The following FGD6 variants were observed in gnomAD, a reference collection of about 807,000 sequenced individuals.
FGD6 encodes the protein FYVE, RhoGEF and PH domain containing 6.
In FGD6, 90 loss-of-function variants were observed where a neutral mutation model predicts 149.4. The ratio of observed to expected loss-of-function variants is 0.60; its 90% CI spans 0.51 to 0.72. FGD6 has a LOEUF of 0.72. Ranked by LOEUF, FGD6 falls within the 30% of genes least tolerant of loss-of-function variation. FGD6 has a pLI of 0.00. For synonymous variants in FGD6, 527 were observed against 584.0 expected (o/e 0.90, Z 1.41); for missense variants, 1,437 against 1,684.8 (o/e 0.85, Z 2.57).
chr12:95,201,117 G>C (rs2056659096), intron 2 of FGD6, among the ~76,000 whole-genome samples: 1 of 151,364 alleles, frequency 6.6e-6, no homozygotes. Context: ...ATGTCTAGAA[G>C]AACATAAAAA....
At position 95,149,388 on chromosome 12, in the gene FGD6, A is replaced by G. The variant is rs1170388119; in HGVS notation, c.2685+3423T>C. Among the ~76,000 whole-genome samples the G allele has an allele frequency of 7.5e-5, 9 of 119,778 alleles. No homozygotes were observed. The South Asian group carries it at 2.1e-3, about 27-fold the overall frequency. The allele number at this position is 119,778 out of a possible 152,430, so 78.6% of individuals were successfully genotyped here. A position where few individuals can be genotyped will look rare whatever the true frequency, so the allele number is the denominator to read the frequency against. On this transcript the variant is annotated intron_variant, in intron 5 of 20. Transcript: ENST00000343958. The stretch of plus-strand genomic sequence containing the variant: ...TATATATAGCACATATTTTATATAT[A>G]TAGCATATATTACATAATATATAGC...
intron 2 of FGD6, 50 bp from the exon 3 acceptor site, chr12:95,172,794 C>T: frequency 6.9e-7 from 1 of 1,444,386 alleles, no homozygotes; most frequent in African/African-American, 1.4e-5. Context: ...ATAAGAAGTG[C>T]TAGCAAAACA....
intron 14 of FGD6, among the ~76,000 whole-genome samples, chr12:95,101,646 C>T (rs1305960856): frequency 6.7e-6 from 1 of 149,338 alleles, no homozygotes; most frequent in Admixed American, 6.7e-5. Context: ...TCACTGGGAA[C>T]ATGATATACA....
rs375032964 is a variant in FGD6 at position 95,124,903 on chromosome 12, C to A, written c.3082+9836G>T. On this transcript the variant is annotated intron_variant, in intron 8 of 20. Transcript: ENST00000343958. ...CTTAGCACTCCTCTCACCCCTACTT[C>A]AAAATCGTGGTACTTATTACATCTG... 1.4e-4 allele frequency among the ~76,000 whole-genome samples: 21 copies of A among 152,264 alleles called. No homozygotes were observed. The East Asian group carries it at 1.5e-3, about 11-fold the overall frequency.
At chr12:95,166,598 G>A (rs1360957349) in intron 3 of FGD6, among the ~76,000 whole-genome samples, 1 of 152,002 alleles carries the variant, frequency 6.6e-6, no homozygotes, top group Non-Finnish European at 1.5e-5. Context: ...TAGCTACTAA[G>A]GAGGAAGGGA....
At chr12:95,088,705 TA>T (rs1198640587) in intron 18 of FGD6, among the ~76,000 whole-genome samples, 2 of 152,296 alleles carry the variant, frequency 1.3e-5, no homozygotes, top group South Asian at 4.1e-4. Context: ...GATGGGTGGA[TA>T]AACTGTGGTA....
At chr12:95,149,970 A>G (rs548808626) in intron 5 of FGD6, among the ~76,000 whole-genome samples, 4 of 145,646 alleles carry the variant, frequency 2.7e-5, no homozygotes, top group Non-Finnish European at 6.0e-5. Flanking sequence ...TATATTATAT[A>G]GTATACTATA....
intron 14 of FGD6, among the ~76,000 whole-genome samples, chr12:95,097,429 A>C (rs1282423439): frequency 6.6e-6 from 1 of 152,058 alleles, no homozygotes; most frequent in Non-Finnish European, 1.5e-5. Flanking sequence ...TGACGTCAGG[A>C]GTTCGAGACC....
At chr12:95,192,789 G>A (rs1400494162) in intron 2 of FGD6, among the ~76,000 whole-genome samples, 1 of 152,182 alleles carries the variant, frequency 6.6e-6, no homozygotes. Context: ...ATTAGGTCTA[G>A]AAAGATGAAA....
intron 5 of FGD6, among the ~76,000 whole-genome samples, chr12:95,152,030 A>T (rs1378098962): frequency 6.6e-6 from 1 of 152,136 alleles, no homozygotes. Context: ...AGTCTGTTCA[A>T]GTTGACAATT....
intron 19 of FGD6, chr12:95,085,558 C>T (rs1432923734): frequency 9.5e-6 from 5 of 523,894 alleles, no homozygotes; most frequent in Non-Finnish European, 1.6e-5. Flanking sequence ...ACAAAAATTG[C>T]ATTTTAATAA....
intron 2 of FGD6, among the ~76,000 whole-genome samples, chr12:95,177,908 AATTTATTT>A (rs71078616): frequency 3.7e-4 from 53 of 142,384 alleles, no homozygotes; most frequent in East Asian, 1.7e-3. Context: ...TTTAAACAAC[AATTTATTT>A]ATTTATTTAT....
chr12:95,211,701 G>A lies in FGD6; in HGVS notation c.17-434C>T, dbSNP rs368917630. On this transcript the variant is annotated intron_variant, in intron 1 of 20. Coordinates refer to ENST00000343958, the MANE Select transcript of FGD6 (RefSeq NM_018351.4). ...ATTACAAGTGCGCACCACCACATCCGGCTAAGTTTTGTATTTTTAGTAGAG... is the reference window on the plus strand; with the variant it reads ...ATTACAAGTGCGCACCACCACATCCAGCTAAGTTTTGTATTTTTAGTAGAG... Among the ~76,000 whole-genome samples, 35 of 151,882 alleles carry A rather than the reference G, an allele frequency of 2.3e-4. No individual in the cohort carries two copies. In the East Asian group the frequency reaches 4.5e-3, roughly 19 times the overall value.
chr12:95,159,009 C>G (rs913343397), intron 3 of FGD6, among the ~76,000 whole-genome samples: 1 of 152,068 alleles, frequency 6.6e-6, no homozygotes, highest in African/African-American at 2.4e-5. Context: ...AGGTCAAGAG[C>G]GGATCTTATC....
chr12:95,148,505 T>TAGCATATATATTATATGCTATATATTATA lies in FGD6; in HGVS notation c.2685+4305_2685+4306insTATAATATATAGCATATAATATATATGCT, dbSNP rs1880081274. ...CCAAATATATATATAATATAATATATAGCATATATTATATTATATATTATA... is the reference window on the plus strand; with the variant it reads ...CCAAATATATATATAATATAATATATAGCATATATATTATATGCTATATATTATAAGCATATATTATATTATATATTATA... On this transcript the variant is annotated intron_variant, in intron 5 of 20. Coordinates refer to ENST00000343958, the MANE Select transcript of FGD6 (RefSeq NM_018351.4). Among the ~76,000 whole-genome samples the TAGCATATATATTATATGCTATATATTATA allele has an allele frequency of 2.5e-5, 3 of 118,448 alleles. No homozygotes were observed. In the Admixed American group the frequency reaches 3.0e-4, roughly 12 times the overall value. The allele number at this position is 118,448 out of a possible 152,430, so 77.7% of individuals were successfully genotyped here. A position where few individuals can be genotyped will look rare whatever the true frequency, so the allele number is the denominator to read the frequency against.
At chr12:95,153,479 T>G (rs1880369210) in intron 3 of FGD6, among the ~76,000 whole-genome samples, 1 of 152,044 alleles carries the variant, frequency 6.6e-6, no homozygotes, top group African/African-American at 2.4e-5. Flanking sequence ...CTGACCAACA[T>G]GGAGAAACCC....
At chr12:95,148,765 T>C (rs575833390) in intron 5 of FGD6, among the ~76,000 whole-genome samples, 3 of 97,168 alleles carry the variant, frequency 3.1e-5, no homozygotes, top group Admixed American at 1.7e-4. Flanking sequence ...GCATATGTTA[T>C]ATTACATATA....
At position 95,183,467 on chromosome 12, in the gene FGD6, C is replaced by T. The variant is rs536413082; in HGVS notation, c.2442-10723G>A. Among the ~76,000 whole-genome samples, 7 of 152,288 alleles carry T rather than the reference C, an allele frequency of 4.6e-5. No homozygotes were observed. The South Asian group carries it at 1.5e-3, about 32-fold the overall frequency. On this transcript the variant is annotated intron_variant, in intron 2 of 20. Coordinates refer to ENST00000343958, the MANE Select transcript of FGD6 (RefSeq NM_018351.4). ...ATGAGAAACTGCTGTTGATCTCACC[C>T]GTCCAGTGTCGAGCATCAGGATTCA... is the stretch of plus-strand genomic sequence containing the variant.
chr12:95,181,798 A>G (rs554767580), intron 2 of FGD6, among the ~76,000 whole-genome samples: 1 of 152,084 alleles, frequency 6.6e-6, no homozygotes, highest in African/African-American at 2.4e-5. Flanking sequence ...CTAAAAATAC[A>G]AAAAAATTAG....
Sources: gnomAD v4.1 joint callset for allele counts (sites outside exome capture counted in the v4.1 genomes callset) on GRCh38, gnomAD v4.1.1 for gene constraint, MANE v1.5 for transcripts, NCBI Gene and HGNC (gene_info 2026-07-23, HGNC 2026-07-21) for gene names.